The following EFNA5 variants were observed in gnomAD, a reference collection of about 807,000 sequenced individuals.
EFNA5 encodes the protein ephrin-A5.
EFNA5 carries 5 observed loss-of-function variants against 22.9 expected under a neutral mutation model. The observed-to-expected ratio is 0.22, with a 90% CI of 0.11 to 0.46. EFNA5 has a LOEUF of 0.46. Ranked by LOEUF, EFNA5 falls within the 20% of genes least tolerant of loss-of-function variation. The pLI, the probability that EFNA5 is intolerant of heterozygous loss-of-function variation, is 0.99. For missense variants in EFNA5, 237 were observed against 293.3 expected (o/e 0.81, Z 1.40); for synonymous variants, 113 against 112.2 (o/e 1.01, Z -0.04).
intron 1 of EFNA5, among the ~76,000 whole-genome samples, chr5:107,473,412 A>G (rs534318384): frequency 1.1e-4 from 16 of 152,056 alleles, no homozygotes; most frequent in African/African-American, 3.4e-4. Context: ...CACTTATTCT[A>G]CTTTTCATAT....
At chr5:107,610,807 C>T (rs934824663) in intron 1 of EFNA5, among the ~76,000 whole-genome samples, 1 of 152,058 alleles carries the variant, frequency 6.6e-6, no homozygotes, top group African/African-American at 2.4e-5. Context: ...TCTAGCAGCC[C>T]TGAGCCTTCC....
rs768134361 is a variant in EFNA5 at position 107,387,785 on chromosome 5, A to C, written c.419-14T>G. ...GGATTGCAGAGGCTGTGGGTAACAC[A>C]GAGAGAGAGCAGGAAAGAAAGAAGA... is the stretch of plus-strand genomic sequence containing the variant. On this transcript the variant is annotated splice_polypyrimidine_tract_variant and intron_variant, in intron 2 of 4. Transcript: ENST00000333274. 4 of 1,584,634 alleles carry C rather than the reference A, an allele frequency of 2.5e-6. No individual in the cohort carries two copies. The highest frequency in any genetic ancestry group is 3.5e-6 in the Non-Finnish European group (4 of 1,157,224).
chr5:107,572,264 G>C (rs566699838), intron 1 of EFNA5, among the ~76,000 whole-genome samples: 110 of 152,180 alleles, frequency 7.2e-4, no homozygotes, highest in African/African-American at 2.5e-3. Flanking sequence ...CTCTGGTTTA[G>C]ACCGGGGGAA....
intron 1 of EFNA5, among the ~76,000 whole-genome samples, chr5:107,508,696 C>T (rs986193095): frequency 2.0e-5 from 3 of 152,142 alleles, no homozygotes; most frequent in African/African-American, 7.2e-5. Flanking sequence ...CAAGCTTGAA[C>T]CATCACTATT....
At chr5:107,464,049 C>T (rs1393520293) in intron 1 of EFNA5, among the ~76,000 whole-genome samples, 1 of 152,120 alleles carries the variant, frequency 6.6e-6, no homozygotes, top group Non-Finnish European at 1.5e-5. Flanking sequence ...GGAAGTTTTA[C>T]TATGAATCTT....
chr5:107,534,227 T>A (rs983026238), intron 1 of EFNA5, among the ~76,000 whole-genome samples: 1 of 152,212 alleles, frequency 6.6e-6, no homozygotes, highest in Non-Finnish European at 1.5e-5. Flanking sequence ...ATCTTGACTT[T>A]CACCGTAAAT....
intron 1 of EFNA5, among the ~76,000 whole-genome samples, chr5:107,547,626 A>G (rs1748193133): frequency 6.6e-6 from 1 of 152,138 alleles, no homozygotes; most frequent in East Asian, 1.9e-4. Context: ...TTTTTCTTTG[A>G]GTTGGCTGCA....
intron 2 of EFNA5, among the ~76,000 whole-genome samples, chr5:107,410,841 T>G (rs1413679618): frequency 6.6e-6 from 1 of 152,212 alleles, no homozygotes; most frequent in African/African-American, 2.4e-5. Context: ...TGATTAGAGT[T>G]GGGCAGTGGC....
rs1024434445 is a variant in EFNA5 at position 107,379,962 on chromosome 5, A to G, written c.*1293T>C. 3 of 152,192 alleles carry G rather than the reference A, an allele frequency of 2.0e-5. No individual in the cohort carries two copies. The highest frequency in any genetic ancestry group is 2.9e-5 in the Non-Finnish European group (2 of 68,032). The allele number at this position is 152,192 out of a possible 1,614,324, so 9.4% of individuals were successfully genotyped here. ...ACTCCATCTTGTTTATCTCCCACAGATAAACACATGTTCCCCCTACGCTTT... is the reference window on the plus strand; with the variant it reads ...ACTCCATCTTGTTTATCTCCCACAGGTAAACACATGTTCCCCCTACGCTTT... On this transcript the variant is annotated 3_prime_UTR_variant, in exon 5 of 5. Transcript: ENST00000333274.
intron 1 of EFNA5, among the ~76,000 whole-genome samples, chr5:107,430,457 G>A (rs1212163790): frequency 2.6e-5 from 4 of 152,006 alleles, no homozygotes; most frequent in African/African-American, 9.7e-5. Flanking sequence ...ACTGCTCAAA[G>A]TGAAAGTAAA....
At chr5:107,645,498 C>T (rs537721532) in intron 1 of EFNA5, among the ~76,000 whole-genome samples, 7 of 152,234 alleles carry the variant, frequency 4.6e-5, no homozygotes, top group African/African-American at 1.2e-4. Flanking sequence ...GTTTTTAGTG[C>T]CATTTAAACC....
At chr5:107,631,284 C>T (rs1451496521) in intron 1 of EFNA5, among the ~76,000 whole-genome samples, 1 of 151,720 alleles carries the variant, frequency 6.6e-6, no homozygotes, top group African/African-American at 2.4e-5. Flanking sequence ...CACACACACA[C>T]ACACACTCTC....
chr5:107,525,874 C>T (rs139861847), intron 1 of EFNA5, among the ~76,000 whole-genome samples: 102 of 152,238 alleles, frequency 6.7e-4, no homozygotes, highest in African/African-American at 2.3e-3. Context: ...AAACCCATTT[C>T]GGTCAAGTGT....
intron 1 of EFNA5, among the ~76,000 whole-genome samples, chr5:107,584,018 C>T (rs1057506196): frequency 2.0e-5 from 3 of 152,180 alleles, no homozygotes; most frequent in Non-Finnish European, 4.4e-5. Flanking sequence ...TGTGGATCCA[C>T]ACAGGCTCGG....
intron 1 of EFNA5, among the ~76,000 whole-genome samples, chr5:107,444,110 C>CTGA (rs1054852680): frequency 6.6e-6 from 1 of 152,104 alleles, no homozygotes; most frequent in Non-Finnish European, 1.5e-5. Context: ...ATGCACTGAT[C>CTGA]TGATGTAAGT....
intron 2 of EFNA5, among the ~76,000 whole-genome samples, chr5:107,412,033 A>G (rs1190663115): frequency 6.6e-6 from 1 of 152,238 alleles, no homozygotes; most frequent in African/African-American, 2.4e-5. Context: ...ATTATTCCAG[A>G]GTGTAGACAC....
At chr5:107,498,955 A>AGTAT (rs60164431) in intron 1 of EFNA5, among the ~76,000 whole-genome samples, 7,302 of 148,492 alleles carry the variant, frequency 0.049, 235 homozygotes, top group Non-Finnish European at 0.065. Context: ...TATGTATATA[A>AGTAT]GTATGTATGT....
intron 1 of EFNA5, among the ~76,000 whole-genome samples, chr5:107,526,253 T>A (rs111269172): frequency 9.9e-5 from 15 of 152,220 alleles, no homozygotes; most frequent in Non-Finnish European, 1.5e-4. Flanking sequence ...CATTGCTTCT[T>A]GCAATAACCA....
chr5:107,478,450 A>C (rs191011843), intron 1 of EFNA5, among the ~76,000 whole-genome samples: 1 of 152,332 alleles, frequency 6.6e-6, no homozygotes, highest in East Asian at 1.9e-4. Flanking sequence ...ATTTCAGAAG[A>C]TATCTACACA....
Sources: allele counts gnomAD v4.1 joint callset (sites outside exome capture counted in the v4.1 genomes callset), GRCh38; gene constraint gnomAD v4.1.1; transcripts MANE v1.5; gene names NCBI Gene and HGNC (gene_info 2026-07-23, HGNC 2026-07-21).